Variants in SEMA3A observed in about 807,000 individuals in gnomAD.
SEMA3A encodes semaphorin 3A.
SEMA3A carries 29 observed loss-of-function variants against 97.9 expected under a neutral mutation model. The ratio of observed to expected loss-of-function variants is 0.30; its 90% CI spans 0.22 to 0.40. SEMA3A has a LOEUF of 0.40. Ranked by LOEUF, SEMA3A falls within the 10% of genes least tolerant of loss-of-function variation. The pLI is 1.00. For synonymous variants in SEMA3A, 321 were observed against 323.7 expected (o/e 0.99, Z 0.09); for missense variants, 763 against 951.3 (o/e 0.80, Z 2.60).
intron 1 of SEMA3A, among the ~76,000 whole-genome samples, chr7:84,154,436 G>C (rs965460999): frequency 5.9e-5 from 9 of 151,998 alleles, no homozygotes; most frequent in Admixed American, 2.6e-4. Context: ...CCAGCAATTT[G>C]GAAGGCCCAG....
chr7:84,204,221 A>G (rs1798431530), intron 3 of SEMA3A, among the ~76,000 whole-genome samples: 1 of 152,194 alleles, frequency 6.6e-6, no homozygotes. Context: ...GAAATAAAGC[A>G]CCACAATTGT....
chr7:84,070,345 G>A (rs1269143009), intron 4 of SEMA3A, among the ~76,000 whole-genome samples: 6 of 152,096 alleles, frequency 3.9e-5, no homozygotes, highest in African/African-American at 7.2e-5. Context: ...TAAGGCATTA[G>A]AGGAAATAAT....
At chr7:84,070,087 C>T (rs1199282904) in intron 4 of SEMA3A, among the ~76,000 whole-genome samples, 1 of 152,082 alleles carries the variant, frequency 6.6e-6, no homozygotes, top group East Asian at 1.9e-4. Context: ...CCAATGTACA[C>T]AATTAAACTG....
At chr7:84,067,221 G>A (rs1262786719) in intron 4 of SEMA3A, among the ~76,000 whole-genome samples, 1 of 152,062 alleles carries the variant, frequency 6.6e-6, no homozygotes, top group Admixed American at 6.6e-5. Context: ...CTAGCCATAT[G>A]TAGAAAGCTG....
chr7:84,372,988 C>T (rs1803009155), intron 1 of SEMA3A, among the ~76,000 whole-genome samples: 1 of 152,134 alleles, frequency 6.6e-6, no homozygotes, highest in Non-Finnish European at 1.5e-5. Context: ...GCTCCAAAAG[C>T]TGAGTCCTCA....
intron 2 of SEMA3A, among the ~76,000 whole-genome samples, chr7:84,311,723 A>C (rs905598381): frequency 6.6e-6 from 1 of 151,980 alleles, no homozygotes; most frequent in African/African-American, 2.4e-5. Flanking sequence ...ATTAAAAACT[A>C]AGAAATTTTA....
intron 2 of SEMA3A, among the ~76,000 whole-genome samples, chr7:84,333,304 G>A (rs1221019429): frequency 1.3e-5 from 2 of 152,062 alleles, no homozygotes; most frequent in African/African-American, 4.8e-5. Flanking sequence ...GCAACACAAG[G>A]AAGAAAGTAT....
intron 3 of SEMA3A, among the ~76,000 whole-genome samples, chr7:84,214,228 C>T (rs1798693965): frequency 6.6e-6 from 1 of 152,110 alleles, no homozygotes; most frequent in South Asian, 2.1e-4. Context: ...CAAACTAAGC[C>T]TGGGCAAATT....
At chr7:84,404,206 G>C (rs1241577200) in intron 1 of SEMA3A, among the ~76,000 whole-genome samples, 1 of 152,190 alleles carries the variant, frequency 6.6e-6, no homozygotes, top group South Asian at 2.1e-4. Flanking sequence ...TCAAGGACCT[G>C]ATGGAGCTGA....
chr7:84,453,826 C>A (rs902380646), intron 1 of SEMA3A, among the ~76,000 whole-genome samples: 1 of 152,108 alleles, frequency 6.6e-6, no homozygotes, highest in African/African-American at 2.4e-5. Context: ...GTTCAAATAT[C>A]ACTTCAATAA....
intron 4 of SEMA3A, among the ~76,000 whole-genome samples, chr7:84,080,253 A>G (rs1286753020): frequency 4.0e-5 from 6 of 148,970 alleles, no homozygotes; most frequent in Admixed American, 6.7e-5. Flanking sequence ...CCTAATGCTG[A>G]ATGATGAGTT....
chr7:84,152,459 G>T (rs913102424), intron 1 of SEMA3A, among the ~76,000 whole-genome samples: 3 of 139,038 alleles, frequency 2.2e-5, no homozygotes, highest in African/African-American at 5.5e-5. Flanking sequence ...ACCAAACACC[G>T]CGTATTCTCA....
chr7:83,998,193 G>C (rs1240017529), intron 12 of SEMA3A, among the ~76,000 whole-genome samples: 1 of 151,952 alleles, frequency 6.6e-6, no homozygotes, highest in Admixed American at 6.6e-5. Flanking sequence ...TCTGAGAAAT[G>C]CATCATTATG....
chr7:84,434,292 G>A (rs1052307609), intron 1 of SEMA3A, among the ~76,000 whole-genome samples: 3 of 146,492 alleles, frequency 2.0e-5, no homozygotes, highest in African/African-American at 5.1e-5. Flanking sequence ...AAACACACAC[G>A]AACTCCTAAG....
At chr7:84,359,337 T>A (rs1184133235) in intron 2 of SEMA3A, among the ~76,000 whole-genome samples, 2 of 152,010 alleles carry the variant, frequency 1.3e-5, no homozygotes, top group Non-Finnish European at 2.9e-5. Flanking sequence ...TATTGAGAGT[T>A]TTTAGCATGA....
chr7:84,194,204 A>C (rs1208970239), intron 1 of SEMA3A, among the ~76,000 whole-genome samples: 1 of 152,192 alleles, frequency 6.6e-6, no homozygotes, highest in Non-Finnish European at 1.5e-5. Flanking sequence ...TAGGATAATA[A>C]GATATACAGA....
Position 84,007,426 on chromosome 7 carries a change from T to C in SEMA3A, c.1067A>G (p.Tyr356Cys). The change falls in exon 10 of 17, where the codon TAT becomes TGT. Residue 356 changes from tyrosine to cysteine, a missense_variant. By Grantham distance (194) the Tyr-to-Cys change is radical. Transcript: ENST00000265362. The stretch of plus-strand genomic sequence containing the variant: ...ATAGTTGGGTCCATCCCTGTGGGCA[T>C]ATGGACCAAGGAACACCCTTCTCAC... ...SDVRRVFLGP[Y>C]AHRDGPNYQW... 1 of 1,608,522 alleles carries C rather than the reference T, an allele frequency of 6.2e-7. No individual in the cohort carries two copies. Among genetic ancestry groups the C allele is most frequent in the East Asian group, 2.3e-5 (1 of 44,384 alleles).
chr7:84,484,241 A>T (rs1806518566), intron 1 of SEMA3A, among the ~76,000 whole-genome samples: 1 of 152,130 alleles, frequency 6.6e-6, no homozygotes, highest in African/African-American at 2.4e-5. Context: ...TTACACATTA[A>T]ATAATTTTAA....
intron 2 of SEMA3A, among the ~76,000 whole-genome samples, chr7:84,312,245 T>C (rs1251469659): frequency 1.3e-5 from 2 of 151,902 alleles, no homozygotes; most frequent in Non-Finnish European, 2.9e-5. Flanking sequence ...AAAATTAACA[T>C]ATGTGTCCTT....
Sources: gnomAD v4.1 joint callset for allele counts (sites outside exome capture counted in the v4.1 genomes callset) on GRCh38, gnomAD v4.1.1 for gene constraint, MANE v1.5 for transcripts, NCBI Gene and HGNC (gene_info 2026-07-23, HGNC 2026-07-21) for gene names.